Variants in MGAT4C observed in about 807,000 individuals in gnomAD.
The protein encoded by MGAT4C is MGAT4 family member C.
A neutral mutation model predicts 40.1 loss-of-function variants in MGAT4C; 19 were observed. The ratio of observed to expected loss-of-function variants is 0.47; its 90% CI spans 0.33 to 0.70. The LOEUF (loss-of-function observed/expected upper bound fraction) is 0.70, where lower values mean the gene tolerates loss of function less well. MGAT4C is among the 30% of genes least tolerant of loss of function. The probability of loss-of-function intolerance (pLI) is 0.02; values close to 1 mark genes in which losing one functional copy is unlikely to be tolerated. For missense variants in MGAT4C, 491 were observed against 563.2 expected (o/e 0.87, Z 1.30); for synonymous variants, 181 against 187.1 (o/e 0.97, Z 0.27).
intron 1 of MGAT4C, among the ~76,000 whole-genome samples, chr12:86,067,670 A>C (rs930918832): frequency 2.6e-5 from 4 of 152,204 alleles, no homozygotes; most frequent in Non-Finnish European, 4.4e-5. Context: ...ACAAACCTGC[A>C]CTTTCTGCAC....
chr12:86,623,778 T>C (rs911695460), intron 2 of MGAT4C, among the ~76,000 whole-genome samples: 4 of 152,190 alleles, frequency 2.6e-5, no homozygotes, highest in Non-Finnish European at 5.9e-5. Context: ...GTATGAAACA[T>C]TTGTCAAACA....
Position 86,333,868 on chromosome 12 carries a change from G to A in MGAT4C, c.-57+197C>T, listed in dbSNP as rs1592709148. ...GCACAAATACATTATCTTCTTCAGA[G>A]TTAAGTATCTATTATTCTTTTAAAC... On this transcript the variant is annotated intron_variant, in intron 4 of 7. Coordinates refer to the MGAT4C transcript ENST00000548651. 2.6e-5 allele frequency among the ~76,000 whole-genome samples: 4 copies of A among 152,242 alleles called. 1 individual carries two copies. Among genetic ancestry groups the A allele is most frequent in the Admixed American group, 2.6e-4 (4 of 15,272 alleles).
chr12:86,515,521 C>A (rs940297819), intron 2 of MGAT4C, among the ~76,000 whole-genome samples: 10 of 151,942 alleles, frequency 6.6e-5, no homozygotes, highest in South Asian at 6.2e-4. Context: ...TTTAAAATTT[C>A]TATTTTAAAA....
At chr12:86,791,592 C>T (rs935586008) in intron 1 of MGAT4C, among the ~76,000 whole-genome samples, 1 of 152,038 alleles carries the variant, frequency 6.6e-6, no homozygotes, top group Non-Finnish European at 1.5e-5. Flanking sequence ...CACACAAATT[C>T]TAATTTCACA....
At chr12:86,187,435 T>C (rs1023483344) in intron 1 of MGAT4C, among the ~76,000 whole-genome samples, 4 of 152,052 alleles carry the variant, frequency 2.6e-5, no homozygotes, top group Non-Finnish European at 4.4e-5. Context: ...GAGAAATATT[T>C]CCATTGTCCG....
chr12:86,761,882 T>G (rs1250130325), intron 1 of MGAT4C, among the ~76,000 whole-genome samples: 1 of 152,146 alleles, frequency 6.6e-6, no homozygotes, highest in African/African-American at 2.4e-5. Flanking sequence ...CCTAAAATTC[T>G]TAAAATACCT....
rs193077081 is a variant in MGAT4C at position 86,222,515 on chromosome 12, A to G, written c.-57+33724T>C. Among the ~76,000 whole-genome samples the G allele has an allele frequency of 1.9e-4, 29 of 152,222 alleles. No individual in the cohort carries two copies. The East Asian group carries it at 4.8e-3, about 25-fold the overall frequency. On this transcript the variant is annotated intron_variant, in intron 1 of 4. Coordinates refer to ENST00000611864, the MANE Select transcript of MGAT4C (RefSeq NM_001351288.2). The stretch of plus-strand genomic sequence containing the variant: ...AACTCTTTCTATCCACCTAAATTAT[A>G]CCTTTATATTTGCAAGGAAGTCAAA...
chr12:86,769,939 C>A (rs993038095), intron 1 of MGAT4C, among the ~76,000 whole-genome samples: 1 of 151,886 alleles, frequency 6.6e-6, no homozygotes, highest in African/African-American at 2.4e-5. Flanking sequence ...GTGCAGCACA[C>A]CAGCATGGCA....
intron 1 of MGAT4C, among the ~76,000 whole-genome samples, chr12:86,209,296 C>T (rs1344590710): frequency 6.6e-6 from 1 of 151,862 alleles, no homozygotes; most frequent in Non-Finnish European, 1.5e-5. Context: ...AAGTTGGATA[C>T]TACCCTTCTG....
At chr12:86,823,068 A>G (rs1367323028) in intron 1 of MGAT4C, among the ~76,000 whole-genome samples, 2 of 151,198 alleles carry the variant, frequency 1.3e-5, no homozygotes, top group Non-Finnish European at 3.0e-5. Context: ...GAAATTAGAA[A>G]AATGCTTCAA....
chr12:86,030,945 A>T (rs1378378199), intron 2 of MGAT4C, among the ~76,000 whole-genome samples: 1 of 151,784 alleles, frequency 6.6e-6, no homozygotes, highest in Admixed American at 6.6e-5. Context: ...CTTAGAGTCT[A>T]CGGTGATAGT....
chr12:86,492,811 T>G (rs988576266), intron 2 of MGAT4C, among the ~76,000 whole-genome samples: 1 of 151,986 alleles, frequency 6.6e-6, no homozygotes, highest in Non-Finnish European at 1.5e-5. Context: ...TCTAATTAAA[T>G]TAAGGAGCTT....
At chr12:86,418,590 CAATAAATA>C (rs57242289) in intron 3 of MGAT4C, among the ~76,000 whole-genome samples, 4,349 of 145,718 alleles carry the variant, frequency 0.03, 203 homozygotes, top group African/African-American at 0.1. Flanking sequence ...GACTCCATCT[CAATAAATA>C]AATAAATAAA....
chr12:86,585,925 G>A (rs939797736), intron 2 of MGAT4C, among the ~76,000 whole-genome samples: 3 of 149,982 alleles, frequency 2.0e-5, no homozygotes, highest in African/African-American at 7.3e-5. Flanking sequence ...AACACTACAA[G>A]GTAGGCACTT....
At chr12:86,262,533 C>T (rs1184117023) in intron 4 of MGAT4C, among the ~76,000 whole-genome samples, 1 of 151,966 alleles carries the variant, frequency 6.6e-6, no homozygotes, top group South Asian at 2.1e-4. Context: ...TTGCATTTAT[C>T]ATTGCAATAG....
At chr12:86,281,598 G>A (rs1953221282) in intron 4 of MGAT4C, among the ~76,000 whole-genome samples, 1 of 151,840 alleles carries the variant, frequency 6.6e-6, no homozygotes, top group African/African-American at 2.4e-5. Flanking sequence ...TGCCCAAGCT[G>A]GTCTCGAACT....
intron 2 of MGAT4C, among the ~76,000 whole-genome samples, chr12:86,488,823 A>G: frequency 6.6e-6 from 1 of 152,302 alleles, no homozygotes; most frequent in East Asian, 1.9e-4. Flanking sequence ...TAAAATTAAT[A>G]ATACTTTAAA....
At chr12:86,470,454 T>A (rs1181082765) in intron 2 of MGAT4C, among the ~76,000 whole-genome samples, 1 of 152,018 alleles carries the variant, frequency 6.6e-6, no homozygotes, top group Non-Finnish European at 1.5e-5. Flanking sequence ...CACACTCCAC[T>A]CCCTTCCCCC....
chr12:86,135,911 T>A (rs1298545487), intron 1 of MGAT4C, among the ~76,000 whole-genome samples: 2 of 152,206 alleles, frequency 1.3e-5, no homozygotes, highest in Non-Finnish European at 2.9e-5. Context: ...ATTAATTCAT[T>A]GTGACTCGCT....
Sources: allele counts gnomAD v4.1 joint callset (sites outside exome capture counted in the v4.1 genomes callset), GRCh38; gene constraint gnomAD v4.1.1; transcripts MANE v1.5; gene names NCBI Gene and HGNC (gene_info 2026-07-23, HGNC 2026-07-21).